Variants in SNX4 observed in about 807,000 individuals in gnomAD.
SNX4 encodes sorting nexin-4.
SNX4 carries 49 observed loss-of-function variants against 70.8 expected under a neutral mutation model. The ratio of observed to expected loss-of-function variants is 0.69; its 90% confidence interval spans 0.55 to 0.88. SNX4 has a LOEUF of 0.88. SNX4 is among the 40% of genes least tolerant of loss of function. The pLI is 0.00. For missense variants in SNX4, 528 were observed against 544.8 expected (o/e 0.97, Z 0.31); for synonymous variants, 206 against 183.8 (o/e 1.12, Z -0.98).
intron 12 of SNX4, among the ~76,000 whole-genome samples, chr3:125,452,223 T>G (rs894411628): frequency 6.6e-6 from 1 of 151,234 alleles, no homozygotes; most frequent in Admixed American, 6.6e-5. Context: ...GTCTCCAGAG[T>G]AGCTGGGATT....
chr3:125,471,241 G>A (rs1934161961), intron 8 of SNX4, among the ~76,000 whole-genome samples: 2 of 150,886 alleles, frequency 1.3e-5, no homozygotes, highest in Non-Finnish European at 2.9e-5. Context: ...CTACTCGAGA[G>A]GCTGAGGTGG....
intron 2 of SNX4, 122 bp downstream of exon 2, chr3:125,504,501 C>CA: frequency 1.0e-6 from 1 of 965,426 alleles, no homozygotes; most frequent in Non-Finnish European, 1.5e-6. Context: ...AGTAAAGAAA[C>CA]AAAGTCAATC....
chr3:125,458,448 C>T (rs928366384), intron 10 of SNX4, among the ~76,000 whole-genome samples: 1 of 152,160 alleles, frequency 6.6e-6, no homozygotes, highest in African/African-American at 2.4e-5. Context: ...GGATTATATG[C>T]ATGAGCCATG....
chr3:125,472,639 A>G (rs74937314), intron 8 of SNX4, among the ~76,000 whole-genome samples: 7,331 of 152,254 alleles, frequency 0.048, 419 homozygotes, highest in African/African-American at 0.13. Flanking sequence ...GGCCAATGTC[A>G]TGTGAATTGG....
chr3:125,508,557 A>G (rs1475122886), intron 1 of SNX4, among the ~76,000 whole-genome samples: 1 of 147,966 alleles, frequency 6.8e-6, no homozygotes, highest in Non-Finnish European at 1.5e-5. Flanking sequence ...ACAGAGCGAG[A>G]CTCTGTCTCA....
intron 6 of SNX4, among the ~76,000 whole-genome samples, chr3:125,485,687 G>A (rs1463081249): frequency 2.0e-5 from 3 of 152,142 alleles, no homozygotes; most frequent in Admixed American, 1.3e-4. Context: ...ATTGTCTTAT[G>A]CTTCTTTACA....
At position 125,497,834 on chromosome 3, in the gene SNX4, CTG is replaced by C. The variant is rs1380492799; in HGVS notation, c.547_548del (p.Gln183GlyfsTer3). The C allele has an allele frequency of 3.8e-6, 6 of 1,574,632 alleles. No individual in the cohort carries two copies. The highest frequency in any genetic ancestry group is 1.4e-5 in the African/African-American group (1 of 72,868). ...CTAAGACTAAATAAAAGAAAAATACCTGTGTTAAAAACAGATAGAAGATTTTG... is the reference window on the plus strand; with the variant it reads ...CTAAGACTAAATAAAAGAAAAATACCTGTTAAAAACAGATAGAAGATTTTG... Reference protein sequence around the residue: ...RDKIFYLFLTQEGNWKETVNE... With the variant: ...RDKIFYLFLTXEGNWKETVNE... On this transcript the variant is annotated frameshift_variant and splice_region_variant, in exon 4 of 14. Transcript: ENST00000251775. LOFTEE classifies it high-confidence loss of function.
chr3:125,481,118 C>T (rs1336031857), intron 6 of SNX4, among the ~76,000 whole-genome samples: 1 of 152,220 alleles, frequency 6.6e-6, no homozygotes, highest in African/African-American at 2.4e-5. Flanking sequence ...GCAATAACCA[C>T]TTCTTCCATT....
chr3:125,514,565 T>C (rs767398631), intron 1 of SNX4, among the ~76,000 whole-genome samples: 11 of 152,122 alleles, frequency 7.2e-5, no homozygotes, highest in Admixed American at 2.0e-4. Context: ...CTAATTTTCA[T>C]ATTTCTAGTA....
chr3:125,515,640 G>C (rs951410700), intron 1 of SNX4, among the ~76,000 whole-genome samples: 12 of 147,994 alleles, frequency 8.1e-5, no homozygotes, highest in Non-Finnish European at 1.3e-4. Context: ...ACTCCAGCCT[G>C]GGCAACAGTG....
intron 6 of SNX4, among the ~76,000 whole-genome samples, chr3:125,480,963 T>C (rs944511661): frequency 6.6e-6 from 1 of 152,166 alleles, no homozygotes; most frequent in Non-Finnish European, 1.5e-5. Flanking sequence ...CCTATCTCTA[T>C]AAACTTCTTC....
At chr3:125,513,831 G>C (rs1935219470) in intron 1 of SNX4, among the ~76,000 whole-genome samples, 1 of 152,020 alleles carries the variant, frequency 6.6e-6, no homozygotes, top group Non-Finnish European at 1.5e-5. Context: ...ACTTCAAGCA[G>C]TAAATAACTT....
intron 2 of SNX4, among the ~76,000 whole-genome samples, chr3:125,500,487 T>C (rs1934901912): frequency 6.6e-6 from 1 of 151,984 alleles, no homozygotes; most frequent in Non-Finnish European, 1.5e-5. Flanking sequence ...ATATCAAAAA[T>C]ATCCTGTTTA....
At chr3:125,452,866 C>G (rs1933612294) in intron 12 of SNX4, among the ~76,000 whole-genome samples, 1 of 152,144 alleles carries the variant, frequency 6.6e-6, no homozygotes, top group Non-Finnish European at 1.5e-5. Context: ...ATCCACCCAC[C>G]TCAGCCTCCC....
At chr3:125,507,589 A>G (rs1291903305) in intron 1 of SNX4, among the ~76,000 whole-genome samples, 1 of 152,246 alleles carries the variant, frequency 6.6e-6, no homozygotes, top group East Asian at 1.9e-4. Flanking sequence ...ACACTTTATA[A>G]CTTTTCAAAG....
intron 8 of SNX4, among the ~76,000 whole-genome samples, chr3:125,471,417 T>C (rs563599713): frequency 5.0e-5 from 7 of 139,380 alleles, no homozygotes; most frequent in South Asian, 2.3e-4. Context: ...TTAAAAATTA[T>C]AGAATTATTA....
intron 5 of SNX4, 137 bp from the exon 6 acceptor site, chr3:125,489,600 C>A: frequency 1.5e-6 from 1 of 666,976 alleles, no homozygotes. Flanking sequence ...ATTAAACATG[C>A]CTAAAAAAAT....
chr3:125,464,564 C>CTT (rs778518316), intron 9 of SNX4, among the ~76,000 whole-genome samples: 1,235 of 67,070 alleles, frequency 0.018, 170 homozygotes, highest in African/African-American at 0.064. Context: ...ATTTATCTTT[C>CTT]TTTTTTTTTT....
intron 13 of SNX4, among the ~76,000 whole-genome samples, chr3:125,449,855 G>A (rs1049569934): frequency 1.3e-5 from 2 of 152,194 alleles, no homozygotes; most frequent in Non-Finnish European, 2.9e-5. Context: ...ATCACAAGGA[G>A]CTTATTAATG....
Sources: allele counts gnomAD v4.1 joint callset (sites outside exome capture counted in the v4.1 genomes callset), GRCh38; gene constraint gnomAD v4.1.1; transcripts MANE v1.5; gene names NCBI Gene and HGNC (gene_info 2026-07-23, HGNC 2026-07-21).